Variants in LDLRAD4 observed in about 807,000 individuals in gnomAD.
The protein encoded by LDLRAD4 is low density lipoprotein receptor class A domain containing 4, also known as low-density lipoprotein receptor class A domain-containing protein 4.
In LDLRAD4, 5 loss-of-function variants were observed where a neutral mutation model predicts 17.0. That is an observed-to-expected ratio of 0.29 (90% confidence interval 0.15 to 0.62). LDLRAD4 has a LOEUF of 0.62. LDLRAD4 is among the 20% of genes least tolerant of loss of function. The probability of loss-of-function intolerance (pLI) is 0.84; values close to 1 mark genes in which losing one functional copy is unlikely to be tolerated. For missense variants in LDLRAD4, 340 were observed against 424.7 expected, an observed-to-expected ratio of 0.80 and a Z score of 1.75; for synonymous variants, 168 against 171.8, an observed-to-expected ratio of 0.98 and a Z score of 0.17.
chr18:13,281,080 T>C (rs1048271213), intron 1 of LDLRAD4, among the ~76,000 whole-genome samples: 12 of 152,272 alleles, frequency 7.9e-5, no homozygotes, highest in Middle Eastern at 3.4e-3. Context: ...TTCGGCACCG[T>C]GCAATAAAAC....
At chr18:13,379,975 C>T (rs538054182) in intron 1 of LDLRAD4, among the ~76,000 whole-genome samples, 1 of 143,740 alleles carries the variant, frequency 7.0e-6, no homozygotes, top group East Asian at 2.0e-4. Context: ...TGCCCCTGCC[C>T]GCCAGCCCCC....
chr18:13,483,524 G>T (rs995932387), intron 3 of LDLRAD4, among the ~76,000 whole-genome samples: 1 of 152,214 alleles, frequency 6.6e-6, no homozygotes, highest in Non-Finnish European at 1.5e-5. Context: ...AGCATGGTGG[G>T]TGGGAGCCCT....
chr18:13,483,456 G>A (rs1351907459), intron 3 of LDLRAD4, among the ~76,000 whole-genome samples: 1 of 152,198 alleles, frequency 6.6e-6, no homozygotes, highest in Non-Finnish European at 1.5e-5. Flanking sequence ...GTCATGTCAG[G>A]CATCACGCAG....
At chr18:13,349,836 G>A (rs911009083) in intron 1 of LDLRAD4, among the ~76,000 whole-genome samples, 2 of 150,742 alleles carry the variant, frequency 1.3e-5, no homozygotes, top group Non-Finnish European at 2.9e-5. Flanking sequence ...CCCTGTGTCC[G>A]TGTGTTCTCA....
chr18:13,556,210 G>T (rs1024703184), intron 3 of LDLRAD4, among the ~76,000 whole-genome samples: 65 of 152,204 alleles, frequency 4.3e-4, no homozygotes, highest in South Asian at 8.3e-4. Flanking sequence ...TTGCATTGTT[G>T]TTTCTAGGAG....
At chr18:13,307,820 T>C (rs570069040) in intron 1 of LDLRAD4, among the ~76,000 whole-genome samples, 1 of 152,386 alleles carries the variant, frequency 6.6e-6, no homozygotes, top group Non-Finnish European at 1.5e-5. Flanking sequence ...GTGTGTTAAT[T>C]GGCAGTTTAT....
intron 1 of LDLRAD4, among the ~76,000 whole-genome samples, chr18:13,378,350 C>T (rs2085082542): frequency 6.6e-6 from 1 of 152,144 alleles, no homozygotes; most frequent in Non-Finnish European, 1.5e-5. Flanking sequence ...GAGCACCCTA[C>T]TTGTCAGAAG....
At chr18:13,437,930 C>T (rs2090773204) in intron 2 of LDLRAD4, among the ~76,000 whole-genome samples, 1 of 152,246 alleles carries the variant, frequency 6.6e-6, no homozygotes, top group African/African-American at 2.4e-5. Flanking sequence ...ACAGCTATGA[C>T]TTTTGCAGAG....
intron 3 of LDLRAD4, among the ~76,000 whole-genome samples, chr18:13,441,193 T>G (rs1030916633): frequency 6.6e-6 from 1 of 152,162 alleles, no homozygotes; most frequent in African/African-American, 2.4e-5. Flanking sequence ...CGTATTCTGT[T>G]GGGCAGCGAA....
chr18:13,310,667 C>T lies in LDLRAD4; in HGVS notation c.-383+32479C>T, dbSNP rs142311341. On this transcript the variant is annotated intron_variant, in intron 1 of 5. Coordinates refer to ENST00000359446, the Ensembl canonical transcript of LDLRAD4. The stretch of plus-strand genomic sequence containing the variant: ...TTGACCTTAGCTCCTTCCCAGGAAC[C>T]TGAGGGTTCTGAGTCACTCACTGTT... 1.2e-4 allele frequency among the ~76,000 whole-genome samples: 19 copies of T among 152,260 alleles called. No homozygotes were observed. The East Asian group carries it at 2.7e-3, about 22-fold the overall frequency.
intron 4 of LDLRAD4, chr18:13,642,650 G>A: frequency 8.1e-7 from 1 of 1,231,260 alleles, no homozygotes; most frequent in East Asian, 3.2e-5. Context: ...CAGGGCACGG[G>A]CGGGCCCCGG....
intron 1 of LDLRAD4, among the ~76,000 whole-genome samples, chr18:13,266,630 C>T (rs142438615): frequency 0.013 from 2,055 of 152,392 alleles, 27 homozygotes; most frequent in Non-Finnish European, 0.021. Flanking sequence ...AGGCAGAAGG[C>T]AGGCTGCCGC....
At chr18:13,596,795 G>A (rs2095101662) in intron 3 of LDLRAD4, among the ~76,000 whole-genome samples, 1 of 152,088 alleles carries the variant, frequency 6.6e-6, no homozygotes, top group African/African-American at 2.4e-5. Flanking sequence ...GTTACCATCT[G>A]GTACCATTCT....
At chr18:13,276,600 A>G (rs2044880333), upstream of LDLRAD4, among the ~76,000 whole-genome samples, 3 of 152,216 alleles carry the variant, frequency 2.0e-5, 1 homozygote, top group South Asian at 6.2e-4. Flanking sequence ...CTTGTCAGCT[A>G]GGGGCTGCTC....
intron 3 of LDLRAD4, among the ~76,000 whole-genome samples, chr18:13,578,650 C>G (rs1057110489): frequency 2.0e-5 from 3 of 152,114 alleles, no homozygotes; most frequent in Non-Finnish European, 4.4e-5. Context: ...CCCTGCAGAT[C>G]GTGCACACAG....
At chr18:13,564,467 T>C (rs1360589082) in intron 3 of LDLRAD4, among the ~76,000 whole-genome samples, 4 of 151,236 alleles carry the variant, frequency 2.6e-5, no homozygotes, top group African/African-American at 9.7e-5. Flanking sequence ...GTCTTTCCCC[T>C]CTGCTAAGAC....
upstream of LDLRAD4, among the ~76,000 whole-genome samples, chr18:13,275,457 C>G (rs2044805982): frequency 6.6e-6 from 1 of 152,328 alleles, no homozygotes; most frequent in Non-Finnish European, 1.5e-5. Context: ...ATGGGCTCTA[C>G]TCTGAAGGCT....
At chr18:13,306,425 T>C (rs2046919011) in intron 1 of LDLRAD4, among the ~76,000 whole-genome samples, 1 of 152,208 alleles carries the variant, frequency 6.6e-6, no homozygotes, top group Non-Finnish European at 1.5e-5. Flanking sequence ...CTTTCAATAC[T>C]GGACAGTGCC....
At chr18:13,512,979 TG>T (rs2093806283) in intron 3 of LDLRAD4, among the ~76,000 whole-genome samples, 1 of 152,234 alleles carries the variant, frequency 6.6e-6, no homozygotes, top group Non-Finnish European at 1.5e-5. Context: ...AATTATCAAA[TG>T]ATAGTGCAGT....
Sources: gnomAD v4.1 joint callset for allele counts (sites outside exome capture counted in the v4.1 genomes callset) on GRCh38, gnomAD v4.1.1 for gene constraint, MANE v1.5 for transcripts, NCBI Gene and HGNC (gene_info 2026-07-23, HGNC 2026-07-21) for gene names.